The following ISY1 variants were observed in gnomAD, a reference collection of about 807,000 sequenced individuals.
ISY1 encodes the protein pre-mRNA-splicing factor ISY1 homolog.
In ISY1, 12 loss-of-function variants were observed where a neutral mutation model predicts 54.4. The ratio of observed to expected loss-of-function variants is 0.22; its 90% CI spans 0.14 to 0.36. The LOEUF (loss-of-function observed/expected upper bound fraction) is 0.36, where lower values mean the gene tolerates loss of function less well. ISY1 is among the 10% of genes least tolerant of loss of function. The pLI is 1.00. For missense variants in ISY1, 282 were observed against 342.2 expected (o/e 0.82, Z 1.39); for synonymous variants, 96 against 117.9 (o/e 0.81, Z 1.20).
intron 7 of ISY1, among the ~76,000 whole-genome samples, 158 bp downstream of exon 7, chr3:129,140,210 G>A (rs1936565771): frequency 1.3e-5 from 2 of 152,162 alleles, no homozygotes; most frequent in South Asian, 2.1e-4. Context: ...TTCTATCCCA[G>A]TTCTTAAGAA....
intron 7 of ISY1, among the ~76,000 whole-genome samples, chr3:129,137,983 A>T (rs143817635): frequency 0.04 from 5,986 of 149,880 alleles, 157 homozygotes; most frequent in Non-Finnish European, 0.056. Context: ...CTCCACTAAA[A>T]ATACAAATTA....
At chr3:129,144,815 G>A (rs2107610297) in intron 6 of ISY1, among the ~76,000 whole-genome samples, 1 of 152,206 alleles carries the variant, frequency 6.6e-6, no homozygotes, top group South Asian at 2.1e-4. Flanking sequence ...TCCAAAAAAA[G>A]GACAGAATGT....
intron 10 of ISY1, 47 bp from the exon 11 acceptor site, chr3:129,130,235 A>T: frequency 6.5e-7 from 1 of 1,540,082 alleles, no homozygotes; most frequent in Non-Finnish European, 8.7e-7. Flanking sequence ...AAAGCCCCTC[A>T]ACCCCTGCCA....
intron 3 of ISY1, among the ~76,000 whole-genome samples, chr3:129,158,157 CTTT>C (rs1298936856): frequency 7.1e-6 from 1 of 141,200 alleles, no homozygotes; most frequent in Non-Finnish European, 1.6e-5. Flanking sequence ...CTGCACCCTA[CTTT>C]TTTTTTTTTT....
intron 5 of ISY1, among the ~76,000 whole-genome samples, chr3:129,153,267 C>T (rs997835117): frequency 6.6e-6 from 1 of 152,160 alleles, no homozygotes; most frequent in Admixed American, 6.6e-5. Context: ...ACCTCCACTT[C>T]CCAAAGTGCT....
chr3:129,135,095 T>A (rs1936351885), intron 7 of ISY1, 141 bp from the exon 8 acceptor site: 16 of 1,205,022 alleles, frequency 1.3e-5, no homozygotes, highest in Non-Finnish European at 1.6e-5. Context: ...ATGCTTGTAA[T>A]CCTAGCGCTT....
intron 9 of ISY1, among the ~76,000 whole-genome samples, 166 bp downstream of exon 9, chr3:129,133,908 C>T (rs1045833979): frequency 3.3e-5 from 5 of 152,170 alleles, no homozygotes; most frequent in Admixed American, 2.0e-4. Context: ...GCTGCTGCCT[C>T]CTGAAACCCT....
intron 9 of ISY1, 176 bp from the exon 10 acceptor site, chr3:129,130,812 T>C: frequency 1.7e-6 from 1 of 600,688 alleles, no homozygotes; most frequent in Non-Finnish European, 2.7e-6. Flanking sequence ...TAGAACACGC[T>C]GTATATTATG....
intron 5 of ISY1, among the ~76,000 whole-genome samples, chr3:129,156,227 T>C (rs962976363): frequency 3.7e-4 from 56 of 151,720 alleles, no homozygotes; most frequent in Admixed American, 3.6e-3. Context: ...TGAAACCCTG[T>C]CTCTACTGAA....
intron 1 of ISY1, among the ~76,000 whole-genome samples, chr3:129,159,852 G>A (rs1020244107): frequency 1.3e-5 from 2 of 152,134 alleles, no homozygotes; most frequent in African/African-American, 4.8e-5. Context: ...ATATCTTCAT[G>A]AGACAAATAC....
At chr3:129,134,368 C>T (rs1343634097) in intron 8 of ISY1, among the ~76,000 whole-genome samples, 173 bp from the exon 9 acceptor site, 1 of 152,188 alleles carries the variant, frequency 6.6e-6, no homozygotes, top group South Asian at 2.1e-4. Flanking sequence ...AGTCCTACAA[C>T]AGCTCTGGCC....
At chr3:129,136,615 T>C (rs1936409220) in intron 7 of ISY1, among the ~76,000 whole-genome samples, 1 of 151,726 alleles carries the variant, frequency 6.6e-6, no homozygotes, top group Admixed American at 6.6e-5. Context: ...GCAATTCTCC[T>C]GCCTCAGCCT....
intron 5 of ISY1, among the ~76,000 whole-genome samples, chr3:129,147,132 C>T (rs7623503): frequency 0.62 from 93,377 of 151,618 alleles, 33,254 homozygotes; most frequent in Non-Finnish European, 0.78. Flanking sequence ...CCCAGCCTTT[C>T]GGGAGGCAGA....
At chr3:129,141,454 A>AAAAAATAAAATAAAATAATT (rs1482704761) in intron 6 of ISY1, among the ~76,000 whole-genome samples, 2 of 151,602 alleles carry the variant, frequency 1.3e-5, no homozygotes. Flanking sequence ...CCCTGTCTCA[A>AAAAAATAAAATAAAATAATT]AAAAAATAAA....
At chr3:129,139,042 C>T (rs1936524395) in intron 7 of ISY1, among the ~76,000 whole-genome samples, 1 of 151,804 alleles carries the variant, frequency 6.6e-6, no homozygotes, top group East Asian at 2.0e-4. Context: ...TCAAGTGATT[C>T]TCCTGCCTCA....
intron 7 of ISY1, among the ~76,000 whole-genome samples, chr3:129,139,077 G>A (rs1936526173): frequency 6.6e-6 from 1 of 151,208 alleles, no homozygotes; most frequent in African/African-American, 2.5e-5. Context: ...TGGGATTACA[G>A]GTGCCTGCCA....
In ISY1 at chr3:129,130,563, G is replaced by A. The variant is rs778767919; in HGVS notation, c.737C>T (p.Pro246Leu). Residue 246 changes from proline to leucine, a missense_variant, in exon 10 of 11, where the codon CCC becomes CTC. This residue lies in a region of ISY1 where 279 missense variants were observed against 323.6 expected (regional missense o/e 0.86). Transcript: ENST00000393295. ...QQKFIAHVPVPSQQEIEEALV... is the reference protein window; with the variant it reads ...QQKFIAHVPVLSQQEIEEALV... ...CTGTGGTCCTACCTCTTGCTGCGAG[G>A]GAACAGGGACGTGAGCAATGAACTT... 1 of 1,614,050 alleles carries A rather than the reference G, an allele frequency of 6.2e-7. No individual in the cohort carries two copies. The highest frequency in any genetic ancestry group is 8.5e-7 in the Non-Finnish European group (1 of 1,179,976).
At position 129,155,188 on chromosome 3, in the gene ISY1, CTATA is replaced by C. The variant is rs990735221; in HGVS notation, c.187+1441_187+1444del. On this transcript the variant is annotated intron_variant, in intron 5 of 10. Transcript: ENST00000393295. ...TTCATAATTTTCTATTATTTCAGTG[CTATA>C]TATGTATTTTTTGTTTGTTTGTTTG... is the stretch of plus-strand genomic sequence containing the variant. 1.7e-4 allele frequency among the ~76,000 whole-genome samples: 26 copies of C among 151,328 alleles called. 3 individuals carry two copies. Among genetic ancestry groups the C allele is most frequent in the Admixed American group, 5.9e-4 (9 of 15,178 alleles).
intron 5 of ISY1, 107 bp downstream of exon 5, chr3:129,156,526 A>T: frequency 8.4e-7 from 1 of 1,191,306 alleles, no homozygotes; most frequent in Non-Finnish European, 1.2e-6. Flanking sequence ...GTCCTTACTG[A>T]TTTACTATCT....
Sources: gnomAD v4.1 joint callset for allele counts (sites outside exome capture counted in the v4.1 genomes callset) on GRCh38, gnomAD v4.1.1 for gene constraint, gnomAD v4.1.1 regional missense constraint, MANE v1.5 for transcripts, NCBI Gene and HGNC (gene_info 2026-07-23, HGNC 2026-07-21) for gene names.